Variants in RCC1 observed in about 807,000 individuals in gnomAD.
The protein encoded by RCC1 is regulator of chromosome condensation 1.
In RCC1, 11 loss-of-function variants were observed where a neutral mutation model predicts 44.4. That is an observed-to-expected ratio of 0.25 (90% CI 0.16 to 0.41). The LOEUF is 0.41. Ranked by LOEUF, RCC1 falls within the 10% of genes least tolerant of loss-of-function variation. The probability of loss-of-function intolerance (pLI) is 1.00; values close to 1 mark genes in which losing one functional copy is unlikely to be tolerated. For synonymous variants in RCC1, 213 were observed against 216.5 expected (o/e 0.98, Z 0.14); for missense variants, 386 against 547.1 (o/e 0.71, Z 2.94).
intron 1 of RCC1, chr1:28,507,816 A>G (rs12239015): frequency 0.066 from 21,923 of 330,170 alleles, 2,373 homozygotes; most frequent in African/African-American, 0.3. Context: ...CATGTTGGTC[A>G]GGCTGGTCTC....
At position 28,532,323 on chromosome 1, in the gene RCC1, C is replaced by T. The variant is rs1452599454; in HGVS notation, c.414C>T (p.Gly138=). 1.2e-6 allele frequency: 2 copies of T among 1,614,082 alleles called. No individual in the cohort carries two copies. The highest frequency in any genetic ancestry group is 4.5e-5 in the East Asian group (2 of 44,884). The change falls in exon 7 of 13, where the codon GGC becomes GGT. Residue 138 remains glycine, a synonymous_variant. Transcript: ENST00000683442. ...ACACAGCAGCCCTCACCGATGATGG[C>T]CGTGTCTTCCTCTGGGGCTCCTTCC... ...DSHTAALTDD[G]RVFLWGSFRD...
intron 4 of RCC1, among the ~76,000 whole-genome samples, chr1:28,528,820 AT>A (rs766173578): frequency 2.4e-4 from 34 of 144,106 alleles, no homozygotes; most frequent in Middle Eastern, 3.7e-3. Flanking sequence ...AAAAAAAAAA[AT>A]GGATGATAGG....
chr1:28,518,107 G>T, intron 4 of RCC1: 1 of 150,042 alleles, frequency 6.7e-6, no homozygotes, highest in Non-Finnish European at 1.5e-5. Flanking sequence ...GCCTGGCCAA[G>T]GGCTCCCCCA....
rs1413187570 is a variant in RCC1, at chr1:28,535,394, G to A, written c.661+14G>A. ...GGCAAGGCCTCGGTAAGTGGCCTTGGTACCTCCAGCAGGGCAAATTGGCAG... is the reference window on the plus strand; with the variant it reads ...GGCAAGGCCTCGGTAAGTGGCCTTGATACCTCCAGCAGGGCAAATTGGCAG... On this transcript the variant is annotated intron_variant, in intron 9 of 12. Coordinates refer to ENST00000683442, the MANE Select transcript of RCC1 (RefSeq NM_001381865.2). The A allele has an allele frequency of 3.1e-6, 5 of 1,613,612 alleles. No homozygotes were observed. The highest frequency in any genetic ancestry group is 1.7e-5 in the Admixed American group (1 of 59,986).
intron 3 of RCC1, among the ~76,000 whole-genome samples, chr1:28,512,520 A>C (rs868658627): frequency 6.6e-6 from 1 of 151,840 alleles, no homozygotes; most frequent in African/African-American, 2.4e-5. Context: ...TTTTATCTTT[A>C]TTATTTTCTT....
chr1:28,535,159 G>T lies in RCC1; in HGVS notation c.538+13G>T. On this transcript the variant is annotated intron_variant, in intron 8 of 12. Coordinates refer to ENST00000683442, the MANE Select transcript of RCC1 (RefSeq NM_001381865.2). The stretch of plus-strand genomic sequence containing the variant: ...AAGGTGGCCTCAGGTGGGTCTGGGG[G>T]CACTTGCTCAGGGCAGGAGTTGGAG... The T allele has an allele frequency of 6.2e-7, 1 of 1,613,952 alleles. No individual in the cohort carries two copies. The highest frequency in any genetic ancestry group is 1.3e-5 in the African/African-American group (1 of 75,074).
chr1:28,520,402 C>A (rs1663194468), intron 4 of RCC1, among the ~76,000 whole-genome samples: 1 of 152,140 alleles, frequency 6.6e-6, no homozygotes, highest in African/African-American at 2.4e-5. Flanking sequence ...TCTAGACTGG[C>A]GTGCCTACCC....
chr1:28,530,792 TCCTC>T (rs931132938), intron 5 of RCC1, among the ~76,000 whole-genome samples: 16 of 152,100 alleles, frequency 1.1e-4, no homozygotes, highest in African/African-American at 3.1e-4. Context: ...TGTCCGCTCT[TCCTC>T]CCGCCCCTCC....
At chr1:28,510,418 CATCT>C (rs1437723410) in intron 3 of RCC1, 1 of 152,146 alleles carries the variant, frequency 6.6e-6, no homozygotes, top group African/African-American at 2.4e-5. Flanking sequence ...CGGATCACAA[CATCT>C]AGAGATCCTG....
chr1:28,535,416 G>T, intron 9 of RCC1, 36 bp downstream of exon 9: 1 of 1,611,222 alleles, frequency 6.2e-7, no homozygotes, highest in Non-Finnish European at 8.5e-7. Context: ...GGGCAAATTG[G>T]CAGGCCACCC....
chr1:28,520,302 C>T (rs1388174796), intron 4 of RCC1, among the ~76,000 whole-genome samples: 1 of 152,210 alleles, frequency 6.6e-6, no homozygotes, highest in African/African-American at 2.4e-5. Flanking sequence ...CTGCAGTGGC[C>T]TGGGAGGGCT....
chr1:28,527,919 G>A (rs1663782395), intron 4 of RCC1, among the ~76,000 whole-genome samples: 1 of 148,604 alleles, frequency 6.7e-6, no homozygotes, highest in African/African-American at 2.5e-5. Flanking sequence ...TGAGGCAGGA[G>A]AATCACTTGA....
chr1:28,529,519 G>A (rs930117986), intron 4 of RCC1, among the ~76,000 whole-genome samples: 2 of 151,840 alleles, frequency 1.3e-5, no homozygotes, highest in Non-Finnish European at 2.9e-5. Flanking sequence ...ACTTGGCAAT[G>A]GGGAACATCT....
chr1:28,531,905 A>C lies in RCC1; in HGVS notation c.176A>C (p.Lys59Thr). Residue 59 changes from lysine to threonine, a missense_variant, in exon 6 of 13, where the codon AAG (lysine) becomes ACG (threonine). Coordinates refer to ENST00000683442, the MANE Select transcript of RCC1 (RefSeq NM_001381865.2). ...GLGENVMERK[K>T]PALVSIPEDV... ...GGTGAGAATGTGATGGAGAGGAAGAAGCCGGCCCTGGTATCCATTCCGGAG... is the reference window on the plus strand; with the variant it reads ...GGTGAGAATGTGATGGAGAGGAAGACGCCGGCCCTGGTATCCATTCCGGAG... The C allele has an allele frequency of 6.2e-7, 1 of 1,609,934 alleles. No individual in the cohort carries two copies. The highest frequency in any genetic ancestry group is 1.3e-5 in the African/African-American group (1 of 74,920).
At chr1:28,522,181 C>T (rs1438920114) in intron 4 of RCC1, among the ~76,000 whole-genome samples, 1 of 152,138 alleles carries the variant, frequency 6.6e-6, no homozygotes, top group African/African-American at 2.4e-5. Flanking sequence ...ATGACTAGTT[C>T]AGGATGGAGG....
chr1:28,518,546 G>C (rs1220802997), intron 4 of RCC1: 1 of 148,822 alleles, frequency 6.7e-6, no homozygotes, highest in Admixed American at 6.7e-5. Flanking sequence ...AGCTAGGGCC[G>C]CGCGGCCCCT....
At chr1:28,526,913 A>AT in intron 4 of RCC1, 1 of 776,918 alleles carries the variant, frequency 1.3e-6, no homozygotes, top group Non-Finnish European at 2.2e-6. Context: ...AAAAAAAAAA[A>AT]GAAAGAAATC....
rs747565890 is a variant in RCC1 at position 28,533,770 on chromosome 1, C to CAA, written c.442-1256_442-1255dup. Among the ~76,000 whole-genome samples, 30 of 31,984 alleles carry CAA rather than the reference C, an allele frequency of 9.4e-4. 2 individuals carry two copies. Among genetic ancestry groups the CAA allele is most frequent in the African/African-American group, 3.1e-3 (27 of 8,712 alleles). 21.0% of individuals were successfully genotyped at this position (31,984 alleles called of 152,430 possible). A position where few individuals can be genotyped will look rare whatever the true frequency, so the allele number is the denominator to read the frequency against. On this transcript the variant is annotated intron_variant, in intron 7 of 12. Transcript: ENST00000683442. The stretch of plus-strand genomic sequence containing the variant: ...GGGCAACAAGAGCGAAACTCTGTCT[C>CAA]AAAAAAAAAAAAAAAAAAAAAAAAA...
At chr1:28,521,809 T>C (rs992859013) in intron 4 of RCC1, among the ~76,000 whole-genome samples, 2 of 152,202 alleles carry the variant, frequency 1.3e-5, no homozygotes, top group African/African-American at 4.8e-5. Context: ...CTTGGCCAAG[T>C]GCATAGGGGA....
Sources: gnomAD v4.1 joint callset for allele counts (sites outside exome capture counted in the v4.1 genomes callset) on GRCh38, gnomAD v4.1.1 for gene constraint, MANE v1.5 for transcripts, NCBI Gene and HGNC (gene_info 2026-07-23, HGNC 2026-07-21) for gene names.